The following PTPRT variants were observed in gnomAD, a reference collection of about 807,000 sequenced individuals.
PTPRT encodes the protein protein tyrosine phosphatase receptor type T, also known as receptor-type tyrosine-protein phosphatase T.
A neutral mutation model predicts 176.8 loss-of-function variants in PTPRT; 56 were observed. The ratio of observed to expected loss-of-function variants is 0.32; its 90% CI spans 0.26 to 0.40. The LOEUF is 0.40. Ranked by LOEUF, PTPRT falls within the 10% of genes least tolerant of loss-of-function variation. PTPRT has a pLI of 1.00. For synonymous variants in PTPRT, 783 were observed against 739.0 expected (o/e 1.06, Z -0.96); for missense variants, 1,540 against 1,908.2 (o/e 0.81, Z 3.60).
chr20:42,428,918 G>A (rs994430321), intron 9 of PTPRT, among the ~76,000 whole-genome samples: 13 of 152,038 alleles, frequency 8.6e-5, no homozygotes, highest in East Asian at 3.9e-4. Context: ...CCAAAACTGC[G>A]CCTTTACTCC....
At chr20:43,100,232 C>T (rs2012338834) in intron 1 of PTPRT, among the ~76,000 whole-genome samples, 1 of 152,056 alleles carries the variant, frequency 6.6e-6, no homozygotes, top group African/African-American at 2.4e-5. Context: ...CAAAAACTAG[C>T]TGGGCATCAT....
chr20:42,835,346 T>C (rs577927322), intron 2 of PTPRT, among the ~76,000 whole-genome samples: 12 of 152,158 alleles, frequency 7.9e-5, no homozygotes, highest in Non-Finnish European at 1.5e-4. Context: ...AGAGATGTAA[T>C]CACAATATGA....
At chr20:42,825,704 T>A (rs921521917) in intron 2 of PTPRT, among the ~76,000 whole-genome samples, 7 of 151,916 alleles carry the variant, frequency 4.6e-5, no homozygotes, top group African/African-American at 1.7e-4. Flanking sequence ...TAAAAAGACA[T>A]AAACAAACCC....
intron 3 of PTPRT, among the ~76,000 whole-genome samples, chr20:42,782,879 G>C (rs915048253): frequency 6.6e-6 from 1 of 152,222 alleles, no homozygotes; most frequent in African/African-American, 2.4e-5. Context: ...AGGGACTTAA[G>C]TGAAGAAAAT....
At chr20:42,859,923 G>A (rs1390915230) in intron 2 of PTPRT, among the ~76,000 whole-genome samples, 1 of 152,000 alleles carries the variant, frequency 6.6e-6, no homozygotes. Context: ...TGATGTTTAG[G>A]TTCTTAGGGA....
intron 9 of PTPRT, among the ~76,000 whole-genome samples, chr20:42,366,066 AC>A (rs1346134157): frequency 3.3e-5 from 5 of 152,220 alleles, no homozygotes; most frequent in Non-Finnish European, 7.3e-5. Context: ...CAAAGCCCTC[AC>A]AGGGTAACCA....
intron 1 of PTPRT, among the ~76,000 whole-genome samples, chr20:43,023,544 A>C (rs1267841283): frequency 6.6e-6 from 1 of 152,182 alleles, no homozygotes; most frequent in Non-Finnish European, 1.5e-5. Context: ...TCCCTTCCTG[A>C]GTGGAACTGA....
At chr20:42,720,679 A>G (rs1457222482) in intron 6 of PTPRT, among the ~76,000 whole-genome samples, 2 of 152,150 alleles carry the variant, frequency 1.3e-5, no homozygotes, top group South Asian at 2.1e-4. Flanking sequence ...ATCATGACTG[A>G]AGTTATACTG....
intron 1 of PTPRT, among the ~76,000 whole-genome samples, chr20:43,165,225 G>A (rs1484874184): frequency 1.3e-5 from 2 of 149,272 alleles, no homozygotes; most frequent in African/African-American, 2.5e-5. Flanking sequence ...ATGGCGCAAT[G>A]TCGGCTCACT....
At chr20:43,038,625 A>C (rs1986480566) in intron 1 of PTPRT, among the ~76,000 whole-genome samples, 1 of 152,214 alleles carries the variant, frequency 6.6e-6, no homozygotes. Flanking sequence ...TAAAAATAAA[A>C]GAGCTATAAG....
chr20:42,856,009 CA>C (rs1404363978), intron 2 of PTPRT, among the ~76,000 whole-genome samples: 1 of 152,054 alleles, frequency 6.6e-6, no homozygotes, highest in Non-Finnish European at 1.5e-5. Context: ...AAACAAACGA[CA>C]AAAGTCCATG....
At chr20:43,178,617 G>C (rs1302140924) in intron 1 of PTPRT, among the ~76,000 whole-genome samples, 1 of 152,160 alleles carries the variant, frequency 6.6e-6, no homozygotes, top group East Asian at 1.9e-4. Flanking sequence ...ATGGCTTTGA[G>C]CTCAAAGCTG....
intron 9 of PTPRT, among the ~76,000 whole-genome samples, chr20:42,369,997 G>A (rs7273339): frequency 6.6e-6 from 1 of 152,114 alleles, no homozygotes; most frequent in Non-Finnish European, 1.5e-5. Context: ...GGCTCCCCTA[G>A]CTCAGTAGCT....
intron 1 of PTPRT, among the ~76,000 whole-genome samples, chr20:42,904,935 T>C (rs2145922837): frequency 6.6e-6 from 1 of 152,280 alleles, no homozygotes; most frequent in East Asian, 1.9e-4. Context: ...ATTAAAGACT[T>C]AAATGTTAGA....
intron 1 of PTPRT, among the ~76,000 whole-genome samples, chr20:43,151,605 C>T (rs1207041431): frequency 6.6e-6 from 1 of 151,818 alleles, no homozygotes; most frequent in Non-Finnish European, 1.5e-5. Flanking sequence ...CTCACATCTG[C>T]AATCCCAGCA....
In PTPRT at chr20:42,598,801, T is replaced by A. The variant is rs1350502727; in HGVS notation, c.1153+79065A>T. On this transcript the variant is annotated intron_variant, in intron 7 of 30. Coordinates refer to ENST00000373187, the MANE Select transcript of PTPRT (RefSeq NM_007050.6). The stretch of plus-strand genomic sequence containing the variant: ...ACAGCTTCCTCCCATGGCTTAACAG[T>A]GCCTTCTATTGTGGCTGCCTCGCCC... 2.0e-5 allele frequency among the ~76,000 whole-genome samples: 3 copies of A among 152,290 alleles called. No individual in the cohort carries two copies. The East Asian group carries it at 5.8e-4, about 29-fold the overall frequency.
In PTPRT at chr20:42,208,706, C is replaced by T. The variant is rs1051789571; in HGVS notation, c.2343-9318G>A. On this transcript the variant is annotated intron_variant, in intron 15 of 30. Coordinates refer to ENST00000373187, the MANE Select transcript of PTPRT (RefSeq NM_007050.6). ...ACACATTAATAATGGGAGACTTTAA[C>T]ACCCCACTGTCAACATTAGACAGAT... 1.7e-4 allele frequency among the ~76,000 whole-genome samples: 26 copies of T among 152,202 alleles called. 1 individual carries two copies. In the South Asian group the frequency reaches 4.6e-3, roughly 27 times the overall value.
chr20:42,792,619 T>C (rs567047157), intron 2 of PTPRT, among the ~76,000 whole-genome samples: 1 of 152,144 alleles, frequency 6.6e-6, no homozygotes, highest in Non-Finnish European at 1.5e-5. Flanking sequence ...GCAGATAAAC[T>C]CAGTTGATTC....
chr20:42,491,318 G>C (rs547583040), intron 7 of PTPRT, among the ~76,000 whole-genome samples: 4 of 152,160 alleles, frequency 2.6e-5, no homozygotes, highest in African/African-American at 9.7e-5. Flanking sequence ...TGGACAAATG[G>C]ATGATGCACA....
Sources: gnomAD v4.1 joint callset for allele counts (sites outside exome capture counted in the v4.1 genomes callset) on GRCh38, gnomAD v4.1.1 for gene constraint, MANE v1.5 for transcripts, NCBI Gene and HGNC (gene_info 2026-07-23, HGNC 2026-07-21) for gene names.